AVEN: variants seen among roughly 807,000 people sequenced by gnomAD.
AVEN encodes the protein apoptosis and caspase activation inhibitor.
A neutral mutation model predicts 38.1 loss-of-function variants in AVEN; 41 were observed. The observed-to-expected ratio is 1.08, with a 90% confidence interval of 0.84 to 1.40. The LOEUF (loss-of-function observed/expected upper bound fraction) is 1.40, where lower values mean the gene tolerates loss of function less well. AVEN is among the 40% of genes most tolerant of loss of function. The probability of loss-of-function intolerance (pLI) is 0.00; values close to 1 mark genes in which losing one functional copy is unlikely to be tolerated. For synonymous variants in AVEN, 206 were observed against 171.8 expected, an observed-to-expected ratio of 1.20 and a Z score of -1.56; for missense variants, 605 against 438.8, an observed-to-expected ratio of 1.38 and a Z score of -3.38.
intron 3 of AVEN, among the ~76,000 whole-genome samples, chr15:33,872,698 T>C (rs527728783): frequency 2.0e-5 from 3 of 152,322 alleles, no homozygotes; most frequent in African/African-American, 7.2e-5. Context: ...TAAGTCACCA[T>C]GTCAACAGAA....
intron 1 of AVEN, among the ~76,000 whole-genome samples, chr15:34,007,246 C>T (rs1457934536): frequency 2.0e-5 from 3 of 152,030 alleles, no homozygotes; most frequent in Non-Finnish European, 4.4e-5. Context: ...TTCCAATAGG[C>T]AAGGGTCATT....
chr15:33,985,411 GCA>G (rs1896388266), intron 2 of AVEN, among the ~76,000 whole-genome samples: 1 of 150,694 alleles, frequency 6.6e-6, no homozygotes, highest in African/African-American at 2.4e-5. Flanking sequence ...TGAGCTGAGT[GCA>G]TGCCCTCAGC....
At chr15:33,877,633 G>C (rs1185898628) in intron 2 of AVEN, among the ~76,000 whole-genome samples, 2 of 152,158 alleles carry the variant, frequency 1.3e-5, no homozygotes, top group African/African-American at 4.8e-5. Context: ...TGACCAACAT[G>C]GTGAAACCTC....
intron 2 of AVEN, among the ~76,000 whole-genome samples, chr15:33,974,248 T>C (rs1895773716): frequency 6.6e-6 from 1 of 152,220 alleles, no homozygotes; most frequent in African/African-American, 2.4e-5. Flanking sequence ...ATTGAAGAGA[T>C]ACTACAGTCA....
downstream of AVEN, chr15:33,866,093 C>A (rs139087790): frequency 2.2e-4 from 34 of 158,050 alleles, no homozygotes; most frequent in Non-Finnish European, 4.1e-4. Context: ...TAAAGTAATA[C>A]GTACCAATAC....
intron 11 of AVEN, chr15:33,860,663 A>T (rs1308136645): frequency 6.3e-7 from 1 of 1,574,912 alleles, no homozygotes; most frequent in East Asian, 2.3e-5. Context: ...TATGGAGGTA[A>T]TGTTACTCTA....
At chr15:34,026,639 T>A (rs893821194) in intron 1 of AVEN, among the ~76,000 whole-genome samples, 3 of 151,884 alleles carry the variant, frequency 2.0e-5, no homozygotes, top group Admixed American at 2.0e-4. Context: ...AGATAGACAA[T>A]CAGAACAAGG....
chr15:33,931,344 A>ATTT (rs1893835957), intron 2 of AVEN, among the ~76,000 whole-genome samples: 1 of 100,062 alleles, frequency 1.0e-5, no homozygotes, highest in Non-Finnish European at 2.0e-5. Context: ...TATGCTGAAT[A>ATTT]TTTTCTTTTT....
At chr15:33,963,921 C>G (rs1203913386) in intron 2 of AVEN, among the ~76,000 whole-genome samples, 1 of 151,742 alleles carries the variant, frequency 6.6e-6, no homozygotes, top group Non-Finnish European at 1.5e-5. Flanking sequence ...ATCAAGAAAG[C>G]AGGAATGATC....
intron 2 of AVEN, among the ~76,000 whole-genome samples, chr15:33,922,770 C>T (rs550429881): frequency 7.6e-4 from 115 of 152,244 alleles, no homozygotes; most frequent in Middle Eastern, 6.8e-3. Context: ...TATATTATCT[C>T]AGAGGCCTTC....
rs775436850 is a variant in AVEN at position 34,053,319 on chromosome 15, A to AAATAT, written n.1637+9602_1637+9603insATATT. Among the ~76,000 whole-genome samples, 300 of 42,068 alleles carry AAATAT rather than the reference A, an allele frequency of 7.1e-3. 1 individual carries two copies. Among genetic ancestry groups the AAATAT allele is most frequent in the Non-Finnish European group, 0.01 (214 of 21,212 alleles). The allele number at this position is 42,068 out of a possible 152,430, so 27.6% of individuals were successfully genotyped here. ...CATCTCAAAAAAAAAAAAAAAAAAA[A>AAATAT]ATATATATATATATATATATATATG... On this transcript the variant is annotated intron_variant and non_coding_transcript_variant, in intron 5 of 11. Transcript: ENST00000675287.
At chr15:33,893,286 T>G (rs897787669) in intron 2 of AVEN, among the ~76,000 whole-genome samples, 1 of 152,238 alleles carries the variant, frequency 6.6e-6, no homozygotes, top group African/African-American at 2.4e-5. Flanking sequence ...GAGGGCATCC[T>G]TGTCTTGTGC....
chr15:33,885,927 G>A (rs1891680645), intron 2 of AVEN, among the ~76,000 whole-genome samples: 1 of 152,142 alleles, frequency 6.6e-6, no homozygotes. Flanking sequence ...TCAGAACAAG[G>A]CCAGCATCAA....
At chr15:34,018,157 A>G (rs934548910) in intron 1 of AVEN, 2 of 152,260 alleles carry the variant, frequency 1.3e-5, no homozygotes, top group Non-Finnish European at 2.9e-5. Context: ...TTCAGGAGCT[A>G]TTCCAAAAGA....
At chr15:33,853,633 T>C in the AVEN span, 21 of 1,613,894 alleles carry the variant, frequency 1.3e-5, 1 homozygote, top group Non-Finnish European at 1.8e-5. Context: ...TGCTCTTGAC[T>C]TTAGCCCAGT....
chr15:33,988,048 G>C (rs544772569), intron 2 of AVEN, among the ~76,000 whole-genome samples: 1 of 152,338 alleles, frequency 6.6e-6, no homozygotes, highest in Non-Finnish European at 1.5e-5. Context: ...GCCTCACAGT[G>C]CAGTGCCCTG....
At chr15:33,950,772 A>G (rs898985305) in intron 2 of AVEN, among the ~76,000 whole-genome samples, 2 of 152,206 alleles carry the variant, frequency 1.3e-5, no homozygotes, top group African/African-American at 4.8e-5. Flanking sequence ...TTGGGAGGCC[A>G]AGGCAGGAGA....
intron 3 of AVEN, among the ~76,000 whole-genome samples, chr15:33,872,599 G>A (rs1036196951): frequency 1.3e-5 from 2 of 152,066 alleles, no homozygotes; most frequent in Admixed American, 6.5e-5. Flanking sequence ...CCTCAGGAAC[G>A]GCCGCATATC....
downstream of AVEN, chr15:33,858,064 G>A: frequency 1.9e-6 from 2 of 1,036,290 alleles, no homozygotes; most frequent in South Asian, 1.7e-5. Flanking sequence ...GAAGACAGAT[G>A]TCTTCTCCAA....
Sources: gnomAD v4.1 joint callset for allele counts (sites outside exome capture counted in the v4.1 genomes callset) on GRCh38, gnomAD v4.1.1 for gene constraint, MANE v1.5 for transcripts, NCBI Gene and HGNC (gene_info 2026-07-23, HGNC 2026-07-21) for gene names.